CMSS1: variants seen among roughly 807,000 people sequenced by gnomAD.
The protein encoded by CMSS1 is protein CMSS1.
In CMSS1, 33 loss-of-function variants were observed where a neutral mutation model predicts 43.5. The observed-to-expected ratio is 0.76, with a 90% CI of 0.57 to 1.01. The LOEUF is 1.01. Ranked by LOEUF, CMSS1 falls within the 50% of genes least tolerant of loss-of-function variation. The probability of loss-of-function intolerance (pLI) is 0.00; values close to 1 mark genes in which losing one functional copy is unlikely to be tolerated. For missense variants in CMSS1, 313 were observed against 326.4 expected (o/e 0.96, Z 0.32); for synonymous variants, 115 against 117.2 (o/e 0.98, Z 0.12).
In CMSS1 at chr3:99,999,087, T is replaced by G. The variant is rs191080311; in HGVS notation, c.65-147886T>G. Among the ~76,000 whole-genome samples the G allele has an allele frequency of 1.8e-3, 273 of 152,340 alleles. 2 individuals carry two copies. The highest frequency in any genetic ancestry group is 6.4e-3 in the African/African-American group (267 of 41,582). On this transcript the variant is annotated intron_variant, in intron 1 of 9. Transcript: ENST00000421999. ...TATGTACCTATATCCGTCATATATA[T>G]CTCAGTTACTGATTCAATTTACAGT...
At chr3:99,847,130 C>T (rs892261336) in intron 1 of CMSS1, among the ~76,000 whole-genome samples, 2 of 151,976 alleles carry the variant, frequency 1.3e-5, no homozygotes, top group Non-Finnish European at 2.9e-5. Context: ...AACTAACATA[C>T]TGTATTTTTT....
chr3:99,880,381 A>G (rs956982117), intron 1 of CMSS1, among the ~76,000 whole-genome samples: 2 of 152,176 alleles, frequency 1.3e-5, no homozygotes, highest in African/African-American at 4.8e-5. Context: ...AACTGCAGTA[A>G]CTGAATATAT....
intron 1 of CMSS1, among the ~76,000 whole-genome samples, chr3:99,854,871 C>A (rs1208073362): frequency 1.3e-5 from 2 of 152,182 alleles, no homozygotes; most frequent in Admixed American, 6.5e-5. Context: ...ATCTTCCCTG[C>A]TAGTGGCCTA....
chr3:99,924,958 A>G (rs1397223951), intron 1 of CMSS1, among the ~76,000 whole-genome samples: 3 of 152,158 alleles, frequency 2.0e-5, no homozygotes, highest in Non-Finnish European at 2.9e-5. Flanking sequence ...CCCTGTGGGT[A>G]TCAACTGTTT....
At chr3:100,003,413 T>C (rs1274250969) in intron 1 of CMSS1, among the ~76,000 whole-genome samples, 1 of 152,224 alleles carries the variant, frequency 6.6e-6, no homozygotes, top group Non-Finnish European at 1.5e-5. Flanking sequence ...GTTTAACCAA[T>C]GCACCTAGAA....
At chr3:99,914,123 CT>C (rs1706878450) in intron 1 of CMSS1, among the ~76,000 whole-genome samples, 1 of 152,164 alleles carries the variant, frequency 6.6e-6, no homozygotes, top group South Asian at 2.1e-4. Context: ...ACAAATCAGA[CT>C]TTTCAGGACC....
At chr3:99,973,105 G>A (rs1318609098) in intron 1 of CMSS1, among the ~76,000 whole-genome samples, 1 of 152,070 alleles carries the variant, frequency 6.6e-6, no homozygotes, top group Non-Finnish European at 1.5e-5. Flanking sequence ...AAAAGATGAA[G>A]GGCAAAATGA....
At chr3:100,115,575 G>GTCTCTCTCTCTCTCTCTCTCTCTC (rs66793218) in intron 1 of CMSS1, among the ~76,000 whole-genome samples, 1 of 97,954 alleles carries the variant, frequency 1.0e-5, no homozygotes, top group Non-Finnish European at 2.1e-5. Flanking sequence ...CTCTCTCTCT[G>GTCTCTCTCTCTCTCTCTCTCTCTC]TCTCTCTCTC....
chr3:99,924,044 T>C (rs1202401090), intron 1 of CMSS1, among the ~76,000 whole-genome samples: 1 of 152,242 alleles, frequency 6.6e-6, no homozygotes, highest in Non-Finnish European at 1.5e-5. Context: ...ACAGTCCTTA[T>C]CACACATCTG....
At chr3:100,020,288 G>A (rs2064783950) in intron 1 of CMSS1, among the ~76,000 whole-genome samples, 1 of 152,192 alleles carries the variant, frequency 6.6e-6, no homozygotes, top group South Asian at 2.1e-4. Context: ...TTTTCTAAAA[G>A]CTGTATTCTC....
At chr3:99,869,130 T>C (rs1326213754) in intron 1 of CMSS1, among the ~76,000 whole-genome samples, 1 of 152,100 alleles carries the variant, frequency 6.6e-6, no homozygotes, top group Non-Finnish European at 1.5e-5. Context: ...ACAAGTAGAG[T>C]TTTGTTCCTC....
In CMSS1 at chr3:99,961,558, C is replaced by A. The variant is rs139059196; in HGVS notation, c.64+143515C>A. ...CAGTGACGTGCAGCTGAATACTGGT[C>A]AAAGTATCCCATGTTTTACATTTTA... On this transcript the variant is annotated intron_variant, in intron 1 of 9. Transcript: ENST00000421999. 6.7e-3 allele frequency among the ~76,000 whole-genome samples: 1,023 copies of A among 152,216 alleles called. 3 individuals carry two copies. Among genetic ancestry groups the A allele is most frequent in the African/African-American group, 8.5e-3 (354 of 41,540 alleles).
intron 1 of CMSS1, among the ~76,000 whole-genome samples, chr3:100,128,528 G>T (rs912276871): frequency 6.6e-6 from 1 of 152,112 alleles, no homozygotes; most frequent in African/African-American, 2.4e-5. Flanking sequence ...TTTTAATTGA[G>T]TTATAATTTA....
chr3:99,827,282 C>T (rs1174019273), intron 1 of CMSS1, among the ~76,000 whole-genome samples: 2 of 152,170 alleles, frequency 1.3e-5, no homozygotes, highest in Non-Finnish European at 2.9e-5. Context: ...CCCTCTGCCT[C>T]CCAGACTCAA....
chr3:100,161,612 C>T (rs2067024309), intron 3 of CMSS1, among the ~76,000 whole-genome samples: 1 of 151,906 alleles, frequency 6.6e-6, no homozygotes, highest in African/African-American at 2.4e-5. Flanking sequence ...TTTGGTGGAA[C>T]ATTAGAAGGA....
At chr3:99,916,354 G>A (rs1215235068) in intron 1 of CMSS1, among the ~76,000 whole-genome samples, 1 of 151,662 alleles carries the variant, frequency 6.6e-6, no homozygotes, top group Admixed American at 6.6e-5. Context: ...TGGCTTTCTT[G>A]GGTCTCCAGT....
intron 1 of CMSS1, among the ~76,000 whole-genome samples, chr3:99,899,488 C>A (rs1017795448): frequency 1.1e-4 from 17 of 152,140 alleles, no homozygotes; most frequent in Non-Finnish European, 2.2e-4. Context: ...CACAACTAAA[C>A]AAGTTATTGT....
intron 9 of CMSS1, among the ~76,000 whole-genome samples, chr3:100,176,820 T>C (rs1254002877): frequency 6.6e-6 from 1 of 152,200 alleles, no homozygotes; most frequent in Non-Finnish European, 1.5e-5. Flanking sequence ...TGCCAGCATC[T>C]CCACATGGAT....
intron 1 of CMSS1, among the ~76,000 whole-genome samples, chr3:100,055,865 G>T (rs371500788): frequency 6.6e-6 from 1 of 152,172 alleles, no homozygotes; most frequent in Admixed American, 6.5e-5. Flanking sequence ...GGGTAGATAT[G>T]AAGTTTTTCA....
Sources: gnomAD v4.1 joint callset for allele counts (sites outside exome capture counted in the v4.1 genomes callset) on GRCh38, gnomAD v4.1.1 for gene constraint, MANE v1.5 for transcripts, NCBI Gene and HGNC (gene_info 2026-07-23, HGNC 2026-07-21) for gene names.